EPB41L2: variants seen among roughly 807,000 people sequenced by gnomAD.
EPB41L2 encodes the protein band 4.1-like protein 2.
EPB41L2 carries 43 observed loss-of-function variants against 113.0 expected under a neutral mutation model. That is an observed-to-expected ratio of 0.38 (90% confidence interval 0.30 to 0.49). The LOEUF (loss-of-function observed/expected upper bound fraction) is 0.49. Ranked by LOEUF, EPB41L2 falls within the 20% of genes least tolerant of loss-of-function variation. EPB41L2 has a pLI of 0.95. For synonymous variants in EPB41L2, 442 were observed against 436.7 expected (o/e 1.01, Z -0.15); for missense variants, 1,147 against 1,223.4 (o/e 0.94, Z 0.93).
chr6:131,025,672 G>A (rs1426561830), intron 1 of EPB41L2, among the ~76,000 whole-genome samples: 10 of 152,154 alleles, frequency 6.6e-5, no homozygotes, highest in Admixed American at 6.5e-4. Flanking sequence ...ATTAGTGTCT[G>A]TCATCTATTC....
rs111592267 is a variant in EPB41L2, at chr6:130,900,767, T to G, written c.1148+195A>C. On this transcript the variant is annotated intron_variant, in intron 7 of 19. Transcript: ENST00000337057. ...AAAACATACAGTCTTACAAGTATAGTTTCTCAGACGGTAGTTATAAAAATA... is the reference window on the plus strand; with the variant it reads ...AAAACATACAGTCTTACAAGTATAGGTTCTCAGACGGTAGTTATAAAAATA... 7.9e-3 allele frequency among the ~76,000 whole-genome samples: 1,206 copies of G among 152,288 alleles called. 8 individuals are homozygous for G. Among genetic ancestry groups the G allele is most frequent in the Non-Finnish European group, 0.013 (913 of 68,020 alleles).
intron 19 of EPB41L2, among the ~76,000 whole-genome samples, chr6:130,853,595 CCT>C (rs1779375508): frequency 6.6e-6 from 1 of 152,150 alleles, no homozygotes; most frequent in Non-Finnish European, 1.5e-5. Context: ...GCATTTAGCT[CCT>C]CTCTGCCTCA....
chr6:130,921,333 T>C (rs1044634157), intron 4 of EPB41L2, among the ~76,000 whole-genome samples: 1 of 152,190 alleles, frequency 6.6e-6, no homozygotes, highest in African/African-American at 2.4e-5. Flanking sequence ...TATTTGCTTA[T>C]TTTTCCAGCT....
At chr6:130,856,728 A>C (rs1780338636) in intron 19 of EPB41L2, among the ~76,000 whole-genome samples, 1 of 152,216 alleles carries the variant, frequency 6.6e-6, no homozygotes, top group Non-Finnish European at 1.5e-5. Flanking sequence ...TTAACAACAG[A>C]AAGTAATCTT....
chr6:130,922,086 G>T (rs1159514798), intron 4 of EPB41L2, among the ~76,000 whole-genome samples: 2 of 152,226 alleles, frequency 1.3e-5, no homozygotes, highest in Non-Finnish European at 2.9e-5. Flanking sequence ...GCACGCACGT[G>T]TGTTTACGAA....
rs78308818 is a variant in EPB41L2, at chr6:130,864,706, C to T, written c.2829+830G>A. On this transcript the variant is annotated intron_variant, in intron 17 of 19. Coordinates refer to ENST00000337057, the MANE Select transcript of EPB41L2 (RefSeq NM_001431.4). Reference sequence around the variant, plus strand: ...CCAGGCTTATCACTATGCTTAATAACTGGATATGCTTTAAAATGAGCACCA... The same window carrying T: ...CCAGGCTTATCACTATGCTTAATAATTGGATATGCTTTAAAATGAGCACCA... 7.5e-3 allele frequency among the ~76,000 whole-genome samples: 1,135 copies of T among 152,334 alleles called. 14 individuals carry two copies. The highest frequency in any genetic ancestry group is 0.01 in the Non-Finnish European group (706 of 68,034).
intron 1 of EPB41L2, among the ~76,000 whole-genome samples, chr6:131,061,780 C>T (rs1798698482): frequency 6.6e-6 from 1 of 151,640 alleles, no homozygotes; most frequent in African/African-American, 2.4e-5. Flanking sequence ...TATAAAGAGA[C>T]CAGATAAATA....
At chr6:130,992,758 G>C (rs1782189135) in intron 1 of EPB41L2, among the ~76,000 whole-genome samples, 1 of 151,770 alleles carries the variant, frequency 6.6e-6, no homozygotes, top group Non-Finnish European at 1.5e-5. Context: ...AGCCTCCCAA[G>C]CAGCTGGCAC....
intron 19 of EPB41L2, among the ~76,000 whole-genome samples, chr6:130,849,777 G>A (rs899999403): frequency 1.3e-5 from 2 of 152,032 alleles, no homozygotes; most frequent in Non-Finnish European, 2.9e-5. Context: ...TTTAAACAAG[G>A]GAGAAACAAA....
At chr6:131,043,347 C>T (rs1409068549) in intron 1 of EPB41L2, among the ~76,000 whole-genome samples, 13 of 151,962 alleles carry the variant, frequency 8.6e-5, no homozygotes, top group Admixed American at 8.5e-4. Flanking sequence ...AACATCCTTA[C>T]ATTTAGTATT....
At chr6:131,010,126 T>C (rs1386589347) in intron 1 of EPB41L2, among the ~76,000 whole-genome samples, 2 of 152,182 alleles carry the variant, frequency 1.3e-5, no homozygotes, top group East Asian at 3.8e-4. Flanking sequence ...AAACAAAACA[T>C]TTACATTATA....
intron 12 of EPB41L2, 121 bp from the exon 13 acceptor site, chr6:130,880,327 A>C: frequency 1.5e-6 from 1 of 678,950 alleles, no homozygotes; most frequent in Non-Finnish European, 2.5e-6. Flanking sequence ...GAGGAATACA[A>C]ATCTTATGAA....
chr6:130,994,758 G>A (rs1782666322), intron 1 of EPB41L2, among the ~76,000 whole-genome samples: 2 of 152,090 alleles, frequency 1.3e-5, no homozygotes, highest in South Asian at 4.1e-4. Context: ...AAGCTCAAAG[G>A]AAAAGTCAAG....
chr6:130,953,127 T>C (rs1815819871), intron 3 of EPB41L2, among the ~76,000 whole-genome samples: 1 of 151,172 alleles, frequency 6.6e-6, no homozygotes, highest in Non-Finnish European at 1.5e-5. Context: ...ATCAAGTTGG[T>C]TCTCAAAAAT....
chr6:130,841,498 G>A (rs572453556), intron 19 of EPB41L2, among the ~76,000 whole-genome samples: 1 of 152,328 alleles, frequency 6.6e-6, no homozygotes, highest in Non-Finnish European at 1.5e-5. Flanking sequence ...AGCCGGCAAG[G>A]AGTAGAGGCA....
intron 5 of EPB41L2, among the ~76,000 whole-genome samples, chr6:130,908,444 T>C (rs947311586): frequency 2.0e-5 from 3 of 152,212 alleles, no homozygotes; most frequent in Non-Finnish European, 2.9e-5. Context: ...AAGATGTGCA[T>C]ATTGAACTAA....
At chr6:130,909,001 C>A in intron 4 of EPB41L2, 138 bp from the exon 5 acceptor site, 2 of 616,094 alleles carry the variant, frequency 3.2e-6, no homozygotes. Flanking sequence ...TATCAGCATT[C>A]CACTGGGCTA....
At chr6:130,995,814 C>T (rs1249969801) in intron 1 of EPB41L2, among the ~76,000 whole-genome samples, 1 of 152,192 alleles carries the variant, frequency 6.6e-6, no homozygotes, top group Non-Finnish European at 1.5e-5. Context: ...TACACTAGCT[C>T]TGTTCAAGCA....
chr6:130,929,302 G>A (rs193202508), intron 3 of EPB41L2, among the ~76,000 whole-genome samples: 3 of 152,282 alleles, frequency 2.0e-5, no homozygotes, highest in East Asian at 1.9e-4. Flanking sequence ...GATTTTTTGA[G>A]GTAGAGAAAA....
Sources: gnomAD v4.1 joint callset for allele counts (sites outside exome capture counted in the v4.1 genomes callset) on GRCh38, gnomAD v4.1.1 for gene constraint, MANE v1.5 for transcripts, NCBI Gene and HGNC (gene_info 2026-07-23, HGNC 2026-07-21) for gene names.